ROBO2: variants seen among roughly 807,000 people sequenced by gnomAD.
ROBO2 encodes roundabout homolog 2.
ROBO2 carries 53 observed loss-of-function variants against 160.8 expected under a neutral mutation model. That is an observed-to-expected ratio of 0.33 (90% CI 0.26 to 0.41). The LOEUF (loss-of-function observed/expected upper bound fraction) is 0.41, where lower values mean the gene tolerates loss of function less well. Among genes scored for constraint, ROBO2 ranks in the 10% least tolerant of loss-of-function variants. ROBO2 has a pLI of 1.00. For missense variants in ROBO2, 1,577 were observed against 1,722.4 expected (o/e 0.92, Z 1.49); for synonymous variants, 664 against 611.7 (o/e 1.09, Z -1.26).
In ROBO2 at chr3:77,424,680, G is replaced by A. The variant is rs539268125; in HGVS notation, c.389-52734G>A. Among the ~76,000 whole-genome samples the A allele has an allele frequency of 2.0e-5, 3 of 152,212 alleles. No individual in the cohort carries two copies. In the South Asian group the frequency reaches 6.2e-4, roughly 32 times the overall value. ...TTTTTTTTGTTGGTTTTATCCCCAT[G>A]AAATTGTTTCCATCAATTTGAGAAA... is the stretch of plus-strand genomic sequence containing the variant. On this transcript the variant is annotated intron_variant, in intron 2 of 25. Transcript: ENST00000461745.
intron 2 of ROBO2, among the ~76,000 whole-genome samples, chr3:77,293,736 G>A (rs1357024851): frequency 4.9e-5 from 7 of 142,136 alleles, no homozygotes; most frequent in East Asian, 2.0e-4. Context: ...ATGGTTAAAC[G>A]GGTAAGCTGA....
chr3:76,303,461 T>C (rs912721373), intron 2 of ROBO2, among the ~76,000 whole-genome samples: 5 of 152,166 alleles, frequency 3.3e-5, no homozygotes, highest in African/African-American at 1.2e-4. Flanking sequence ...TGCAGTGCAT[T>C]TCAGAGGTAC....
intron 25 of ROBO2, 46 bp downstream of exon 27, chr3:77,644,950 T>C: frequency 6.3e-7 from 1 of 1,585,934 alleles, no homozygotes; most frequent in Non-Finnish European, 8.7e-7. Flanking sequence ...TCAGAAAGAA[T>C]CTTGGGTTAA....
At chr3:76,731,179 A>G (rs2093632665) in intron 2 of ROBO2, among the ~76,000 whole-genome samples, 1 of 152,252 alleles carries the variant, frequency 6.6e-6, no homozygotes, top group African/African-American at 2.4e-5. Flanking sequence ...ATGAAATTAT[A>G]TGTATGTCTA....
chr3:75,992,399 C>G (rs539446718), intron 2 of ROBO2, among the ~76,000 whole-genome samples: 1 of 152,284 alleles, frequency 6.6e-6, no homozygotes, highest in African/African-American at 2.4e-5. Flanking sequence ...GAGGGTGGAG[C>G]CCCCAAGCCT....
At chr3:76,235,743 T>C (rs1704904071) in intron 2 of ROBO2, among the ~76,000 whole-genome samples, 1 of 152,188 alleles carries the variant, frequency 6.6e-6, no homozygotes, top group African/African-American at 2.4e-5. Context: ...ATATAATTCA[T>C]TGGTGGATTG....
chr3:77,016,265 G>T (rs985445791), intron 2 of ROBO2, among the ~76,000 whole-genome samples: 2 of 151,758 alleles, frequency 1.3e-5, no homozygotes, highest in African/African-American at 4.8e-5. Context: ...ATGAGCCACC[G>T]CACCTGGCCC....
chr3:77,607,172 A>G (rs965073737), intron 20 of ROBO2, among the ~76,000 whole-genome samples: 12 of 152,204 alleles, frequency 7.9e-5, no homozygotes, highest in African/African-American at 2.4e-4. Flanking sequence ...TTGGAATATT[A>G]TATGATGTTA....
At chr3:77,467,601 A>G (rs2082900221) in intron 2 of ROBO2, among the ~76,000 whole-genome samples, 3 of 149,284 alleles carry the variant, frequency 2.0e-5, no homozygotes. Flanking sequence ...CTATCTATCT[A>G]TCTATCTATC....
rs547963089 is a variant in ROBO2 at position 76,640,819 on chromosome 3, T to C, written c.110-457195T>C. ...AAGCCTGCAACATAATGGTGGAAAA[T>C]AAGGACGTTCTCAAAAAAAAGAATC... On this transcript the variant is annotated intron_variant, in intron 2 of 26. Transcript: ENST00000487694. 4.6e-5 allele frequency among the ~76,000 whole-genome samples: 7 copies of C among 151,626 alleles called. No individual in the cohort carries two copies. In the South Asian group the frequency reaches 1.5e-3, roughly 32 times the overall value.
intron 2 of ROBO2, among the ~76,000 whole-genome samples, chr3:76,917,821 T>C (rs76451942): frequency 1.7e-3 from 257 of 152,160 alleles, no homozygotes; most frequent in Admixed American, 6.0e-3. Flanking sequence ...CTGGAAAATA[T>C]GAGCAGGTGT....
intron 2 of ROBO2, among the ~76,000 whole-genome samples, chr3:76,220,647 G>T (rs1703904557): frequency 6.6e-6 from 1 of 152,122 alleles, no homozygotes; most frequent in African/African-American, 2.4e-5. Context: ...GAGCACAGAT[G>T]CACTAAGACA....
At chr3:77,378,035 T>C (rs1560668320) in intron 2 of ROBO2, among the ~76,000 whole-genome samples, 1 of 152,214 alleles carries the variant, frequency 6.6e-6, no homozygotes, top group African/African-American at 2.4e-5. Context: ...AAGATTTATC[T>C]GTTGAATTCT....
At chr3:77,085,320 A>G (rs2069166224) in intron 1 of ROBO2, among the ~76,000 whole-genome samples, 1 of 152,178 alleles carries the variant, frequency 6.6e-6, no homozygotes, top group South Asian at 2.1e-4. Context: ...AAAATTTTCT[A>G]TAAGATTCTA....
At chr3:76,252,755 G>GTA (rs10575369) in intron 2 of ROBO2, among the ~76,000 whole-genome samples, 1 of 42,400 alleles carries the variant, frequency 2.4e-5, no homozygotes, top group Non-Finnish European at 9.0e-5. Context: ...GCATGTATAT[G>GTA]TATACACACA....
At chr3:77,055,369 A>G (rs1015763642) in intron 1 of ROBO2, among the ~76,000 whole-genome samples, 2 of 152,208 alleles carry the variant, frequency 1.3e-5, no homozygotes, top group African/African-American at 4.8e-5. Flanking sequence ...TTTCATTCTC[A>G]TAATAGTCTG....
chr3:77,226,769 C>G (rs2086551297), intron 2 of ROBO2, among the ~76,000 whole-genome samples: 2 of 152,216 alleles, frequency 1.3e-5, no homozygotes, highest in South Asian at 4.2e-4. Context: ...TCATCTCACA[C>G]AAAGCCTACA....
chr3:76,695,264 T>C (rs928443865), intron 2 of ROBO2, among the ~76,000 whole-genome samples: 2 of 152,190 alleles, frequency 1.3e-5, no homozygotes, highest in African/African-American at 4.8e-5. Flanking sequence ...ATCTCACTGT[T>C]TTGGCATCAG....
chr3:76,400,848 A>G (rs2077771725), intron 2 of ROBO2, among the ~76,000 whole-genome samples: 1 of 151,474 alleles, frequency 6.6e-6, no homozygotes, highest in Admixed American at 6.6e-5. Flanking sequence ...ACAACCTCCA[A>G]ATATGAGTTA....
Sources: allele counts gnomAD v4.1 joint callset (sites outside exome capture counted in the v4.1 genomes callset), GRCh38; gene constraint gnomAD v4.1.1; transcripts MANE v1.5; gene names NCBI Gene and HGNC (gene_info 2026-07-23, HGNC 2026-07-21).